The following SRSF1 variants were observed in gnomAD, a reference collection of about 807,000 sequenced individuals.
SRSF1 encodes the protein serine and arginine rich splicing factor 1, also known as serine/arginine-rich splicing factor 1.
In SRSF1, 1 loss-of-function variant was observed where a neutral mutation model predicts 25.9. That is an observed-to-expected ratio of 0.04 (90% CI 0.01 to 0.18). The LOEUF is 0.18. Among genes scored for constraint, SRSF1 ranks in the 10% least tolerant of loss-of-function variants. The pLI is 1.00. For synonymous variants in SRSF1, 132 were observed against 126.2 expected, an observed-to-expected ratio of 1.05 and a Z score of -0.31; for missense variants, 65 against 350.5, an observed-to-expected ratio of 0.19 and a Z score of 6.50.
rs1207875898 is a variant in SRSF1, at chr17:58,003,169, C to T, written c.*2237G>A. ...CACAAAAGCCTATGTTGTCTATGACCACCAGAAAATAAGCAGCATCTATAG... is the reference window on the plus strand; with the variant it reads ...CACAAAAGCCTATGTTGTCTATGACTACCAGAAAATAAGCAGCATCTATAG... On this transcript the variant is annotated 3_prime_UTR_variant, in exon 4 of 4. Coordinates refer to ENST00000258962, the MANE Select transcript of SRSF1 (RefSeq NM_006924.5). 6.6e-6 allele frequency among the ~76,000 whole-genome samples: 1 copy of T among 151,876 alleles called. No homozygotes were observed. Among genetic ancestry groups the T allele is most frequent in the Non-Finnish European group, 1.5e-5 (1 of 67,952 alleles).
chr17:57,999,912 G>A (rs1404749304), downstream of SRSF1, among the ~76,000 whole-genome samples: 6 of 152,140 alleles, frequency 3.9e-5, no homozygotes, highest in Admixed American at 6.5e-5. Flanking sequence ...GGTAACAGAA[G>A]TCTGATGCTT....
chr17:57,995,124 T>C, the SRSF1 span, among the ~76,000 whole-genome samples: 51 of 152,224 alleles, frequency 3.4e-4, no homozygotes, highest in African/African-American at 1.2e-3. Context: ...ACCTAAGAGA[T>C]AGTATGTGTA....
the SRSF1 span, among the ~76,000 whole-genome samples, chr17:57,995,855 T>C: frequency 2.0e-5 from 3 of 152,156 alleles, no homozygotes; most frequent in African/African-American, 7.2e-5. Flanking sequence ...TGAGCCACAG[T>C]ATCAGGACTG....
the SRSF1 span, among the ~76,000 whole-genome samples, chr17:57,995,407 A>G: frequency 6.6e-6 from 1 of 152,214 alleles, no homozygotes; most frequent in Non-Finnish European, 1.5e-5. Context: ...CTGTGGGGCC[A>G]GCCTCAATAG....
At chr17:58,006,318 C>CA in intron 2 of SRSF1, 25 bp downstream of exon 2, 1 of 1,580,906 alleles carries the variant, frequency 6.3e-7, no homozygotes, top group Non-Finnish European at 8.6e-7. Context: ...CCCTTCACAT[C>CA]AATCCACACA....
In SRSF1 at chr17:58,002,830, C is replaced by G. The variant is rs143082553; in HGVS notation, c.*2576G>C. Among the ~76,000 whole-genome samples, 152 of 152,188 alleles carry G rather than the reference C, an allele frequency of 1.0e-3. No homozygotes were observed. Among genetic ancestry groups the G allele is most frequent in the African/African-American group, 3.4e-3 (140 of 41,512 alleles). On this transcript the variant is annotated 3_prime_UTR_variant, in exon 4 of 4. Transcript: ENST00000258962. The stretch of plus-strand genomic sequence containing the variant: ...AGTTTTGGGACCAGCCTGGGTAACA[C>G]AGAGAAACCACATCTCTACTAAAAA...
rs2075433697 is a variant in SRSF1 at position 58,006,877 on chromosome 17, G to A, written c.194+67C>T. On this transcript the variant is annotated intron_variant, in intron 1 of 3. Coordinates refer to ENST00000258962, the MANE Select transcript of SRSF1 (RefSeq NM_006924.5). ...CCCGCTTCCCCGTTCTCTATGTTAA[G>A]GCCTTGGAGCCTTCCCCAACTACTC... The A allele has an allele frequency of 3.2e-6, 5 of 1,563,412 alleles. 1 individual carries two copies. Among genetic ancestry groups the A allele is most frequent in the Middle Eastern group, 3.5e-4 (2 of 5,768 alleles).
intron 2 of SRSF1, 104 bp from the exon 3 acceptor site, chr17:58,006,077 G>A: frequency 3.7e-6 from 4 of 1,092,982 alleles, no homozygotes; most frequent in Non-Finnish European, 3.9e-6. Flanking sequence ...CTTAATAGGT[G>A]TACTTAAGTG....
rs34361648 is a variant in SRSF1, at chr17:58,003,067, C to CT, written c.*2338dup. Among the ~76,000 whole-genome samples the CT allele has an allele frequency of 1.3e-5, 2 of 152,050 alleles. No homozygotes were observed. Among genetic ancestry groups the CT allele is most frequent in the African/African-American group, 4.8e-5 (2 of 41,414 alleles). On this transcript the variant is annotated 3_prime_UTR_variant, in exon 4 of 4. Transcript: ENST00000258962. Reference sequence around the variant, plus strand: ...GCTGATGTTAACATTTAATACTTACCTTTTTTTGAGATGAGTTTCATTGAG... The same window carrying CT: ...GCTGATGTTAACATTTAATACTTACCTTTTTTTTGAGATGAGTTTCATTGAG...
chr17:57,992,835 C>T, the SRSF1 span: 1 of 152,204 alleles, frequency 6.6e-6, no homozygotes, highest in Non-Finnish European at 1.5e-5. Context: ...TCCCTCCATT[C>T]TTGGCAGTGA....
chr17:58,006,632 G>C, intron 1 of SRSF1, 105 bp from the exon 2 acceptor site: 2 of 1,308,430 alleles, frequency 1.5e-6, no homozygotes, highest in Non-Finnish European at 2.1e-6. Context: ...ACGTGGAAGA[G>C]CCCACATGCG....
chr17:58,005,985 A>AT lies in SRSF1; in HGVS notation c.380-13dup, dbSNP rs753460117. ...ACTTGGAGGCAGTCCTGAAAAAGTG[A>AT]TTTTTTTTTTCTTAGTACCAATTAT... On this transcript the variant is annotated splice_polypyrimidine_tract_variant and intron_variant, in intron 2 of 3. Transcript: ENST00000258962. The surrounding 1 kb of genome is among the most constrained non-coding windows in gnomAD (Gnocchi z 5.2). 1,328 of 1,550,236 alleles carry AT rather than the reference A, an allele frequency of 8.6e-4. No individual in the cohort carries two copies. Among genetic ancestry groups the AT allele is most frequent in the Non-Finnish European group, 9.1e-4 (1,035 of 1,138,938 alleles).
At chr17:57,989,322 A>G in the SRSF1 span, 7 of 398,540 alleles carry the variant, frequency 1.8e-5, no homozygotes, top group Non-Finnish European at 3.1e-5. Context: ...AGTCCAAGAC[A>G]TCTCCTGTGG....
intron 1 of SRSF1, 115 bp from the exon 2 acceptor site, chr17:58,006,642 G>T: frequency 7.9e-7 from 1 of 1,260,012 alleles, no homozygotes; most frequent in Non-Finnish European, 1.1e-6. Context: ...GCCCACATGC[G>T]CCGCATAATA....
chr17:58,005,665 A>G lies in SRSF1; in HGVS notation c.553-65T>C, dbSNP rs946313896. On this transcript the variant is annotated intron_variant, in intron 3 of 3. Transcript: ENST00000258962. The surrounding 1 kb of genome is among the most constrained non-coding windows in gnomAD (Gnocchi z 5.2). ...TTTCATCTATCTTCAGACATGCTGA[A>G]TGAATACAATGTAACTAAAACCAGA... 2 of 1,608,926 alleles carry G rather than the reference A, an allele frequency of 1.2e-6. No homozygotes were observed. The highest frequency in any genetic ancestry group is 2.7e-5 in the African/African-American group (2 of 74,676).
chr17:58,005,355 A>G lies in SRSF1; in HGVS notation c.*51T>C, dbSNP rs983246710. The G allele has an allele frequency of 2.5e-6, 4 of 1,591,848 alleles. No homozygotes were observed. Among genetic ancestry groups the G allele is most frequent in the African/African-American group, 1.3e-5 (1 of 74,194 alleles). Reference sequence around the variant, plus strand: ...AAAAAATGAAAAGATTGTACTGAATAAAGGAAAACTGTATACAACATGGGT... The same window carrying G: ...AAAAAATGAAAAGATTGTACTGAATGAAGGAAAACTGTATACAACATGGGT... On this transcript the variant is annotated 3_prime_UTR_variant, in exon 4 of 4. Coordinates refer to ENST00000258962, the MANE Select transcript of SRSF1 (RefSeq NM_006924.5). This position sits in a 1 kb window ranked among gnomAD's most constrained non-coding sequence, Gnocchi z 5.2.
chr17:58,000,586 CCTT>C (rs1479647879), downstream of SRSF1, among the ~76,000 whole-genome samples: 3 of 152,204 alleles, frequency 2.0e-5, no homozygotes, highest in African/African-American at 7.2e-5. Context: ...GTGGGCCATA[CCTT>C]TTTTTCTTGT....
chr17:57,993,511 G>A, the SRSF1 span: 1 of 152,192 alleles, frequency 6.6e-6, no homozygotes, highest in African/African-American at 2.4e-5. Flanking sequence ...GCTGTACTCA[G>A]CATCTACTCT....
chr17:57,991,354 ATC>A, the SRSF1 span: 1 of 152,214 alleles, frequency 6.6e-6, no homozygotes, highest in African/African-American at 2.4e-5. Flanking sequence ...AAAAGAAAGT[ATC>A]TCTGCCGTTG....
Sources: allele counts gnomAD v4.1 joint callset (sites outside exome capture counted in the v4.1 genomes callset), GRCh38; gene constraint gnomAD v4.1.1; non-coding constraint Gnocchi (gnomAD v3.1); transcripts MANE v1.5; gene names NCBI Gene and HGNC (gene_info 2026-07-23, HGNC 2026-07-21).